MUC5B: variants seen among roughly 807,000 people sequenced by gnomAD.
MUC5B encodes mucin-5B.
MUC5B carries 116 observed loss-of-function variants against 376.9 expected under a neutral mutation model. The observed-to-expected ratio is 0.31, with a 90% CI of 0.26 to 0.36. MUC5B has a LOEUF of 0.36. Ranked by LOEUF, MUC5B falls within the 10% of genes least tolerant of loss-of-function variation. The pLI, the probability that MUC5B is intolerant of heterozygous loss-of-function variation, is 1.00. For missense variants in MUC5B, 7,165 were observed against 7,769.9 expected (o/e 0.92, Z 2.93); for synonymous variants, 3,517 against 3,390.9 (o/e 1.04, Z -1.29).
chr11:1,248,597 C>G lies in MUC5B; in HGVS notation c.11717C>G (p.Pro3906Arg). 1.9e-6 allele frequency: 3 copies of G among 1,613,034 alleles called. No homozygotes were observed. Among genetic ancestry groups the G allele is most frequent in the Non-Finnish European group, 2.5e-6 (3 of 1,179,474 alleles). The change falls in exon 31 of 49, where the codon CCC becomes CGC. Residue 3906 changes from proline to arginine, a missense_variant. Physicochemically the swap from Pro to Arg is moderately radical, Grantham distance 103. Coordinates refer to ENST00000529681, the MANE Select transcript of MUC5B (RefSeq NM_002458.3). ...TPTTSGSTVTPSSVPGTTHTP... is the reference protein window; with the variant it reads ...TPTTSGSTVTRSSVPGTTHTP... Reference sequence around the variant, plus strand: ...ACAACCAGTGGCTCCACGGTGACCCCCTCCTCCGTCCCGGGGACCACCCAC... The same window carrying G: ...ACAACCAGTGGCTCCACGGTGACCCGCTCCTCCGTCCCGGGGACCACCCAC...
At position 1,243,587 on chromosome 11, in the gene MUC5B, A is replaced by T; in HGVS notation, c.6707A>T (p.His2236Leu). 1 of 1,606,814 alleles carries T rather than the reference A, an allele frequency of 6.2e-7. No individual in the cohort carries two copies. Among genetic ancestry groups the T allele is most frequent in the Non-Finnish European group, 8.5e-7 (1 of 1,177,912 alleles). ...ACAGAGCCTTCCACGGTGACTTCCC[A>T]CACCCTAGCAGCAACCACCGGTACC... The part of the protein sequence containing the change: ...HITEPSTVTS[H>L]TLAATTGTTQ... The change falls in exon 31 of 49, where the codon CAC becomes CTC. Residue 2236 changes from histidine (H) to leucine (L), a missense_variant. His to Leu is a moderately conservative substitution (Grantham distance 99). Coordinates refer to ENST00000529681, the MANE Select transcript of MUC5B (RefSeq NM_002458.3).
At position 1,227,763 on chromosome 11, in the gene MUC5B, C is replaced by A. The variant is rs781163769; in HGVS notation, c.756C>A (p.Ala252=). 3 of 717,872 alleles carry A rather than the reference C, an allele frequency of 4.2e-6. No individual in the cohort carries two copies. Among genetic ancestry groups the A allele is most frequent in the Non-Finnish European group, 7.8e-6 (3 of 385,192 alleles). The allele number at this position is 717,872 out of a possible 1,614,324, so 44.5% of individuals were successfully genotyped here. A position where few individuals can be genotyped will look rare whatever the true frequency, so the allele number is the denominator to read the frequency against. The change falls in exon 7 of 49, where the codon GCC becomes GCA. Residue 252 remains alanine, a synonymous_variant. Transcript: ENST00000529681. ...GCCCGGACCCGCTGCCCTTGCCGGC[C>A]GGCAACTGCACGGACGAGGTGAGTC... ...EQCPDPLPLP[A]GNCTDEEGIC...
Position 1,229,774 on chromosome 11 carries a change from C to T in MUC5B, c.1187C>T (p.Pro396Leu), listed in dbSNP as rs200834537. Residue 396 changes from proline to leucine, a missense_variant, in exon 10 of 49, where the codon CCG (proline) becomes CTG (leucine). By Grantham distance (98) the Pro-to-Leu change is moderately conservative (BLOSUM62 -3). This residue lies in a region of MUC5B where 640 missense variants were observed against 733.0 expected (regional missense o/e 0.87). Transcript: ENST00000529681. ...PCTHGGRTYS[P>L]GTSFNTTCSS... ...ACCCACGGCGGCCGCACCTACAGCC[C>T]GGGCACCTCCTTCAACACCACCTGC... 223 of 1,601,556 alleles carry T rather than the reference C, an allele frequency of 1.4e-4. No homozygotes were observed. The highest frequency in any genetic ancestry group is 1.6e-4 in the Middle Eastern group (1 of 6,066).
Position 1,261,412 on chromosome 11 carries a change from T to C in MUC5B, c.17093T>C (p.Met5698Thr). 6.4e-7 allele frequency: 1 copy of C among 1,552,346 alleles called. No homozygotes were observed. Among genetic ancestry groups the C allele is most frequent in the Non-Finnish European group, 8.7e-7 (1 of 1,149,548 alleles). ...AGGTACTCAGCAGAGGCCCAGGCCATGCAGCACCAGTGCACCTGCTGCCAG... is the reference window on the plus strand; with the variant it reads ...AGGTACTCAGCAGAGGCCCAGGCCACGCAGCACCAGTGCACCTGCTGCCAG... ...ASKYSAEAQA[M>T]QHQCTCCQER... Residue 5698 changes from methionine (M) to threonine (T), a missense_variant, in exon 49 of 49, where the codon ATG becomes ACG. Met to Thr is a moderately conservative substitution (Grantham distance 81). Around this residue, in one of 31 missense-constraint regions of MUC5B, gnomAD observed 842 missense variants for 1,016.9 expected, o/e 0.83. Coordinates refer to ENST00000529681, the MANE Select transcript of MUC5B (RefSeq NM_002458.3).
Position 1,246,245 on chromosome 11 carries a change from T to G in MUC5B, c.9365T>G (p.Met3122Arg), listed in dbSNP as rs58125533. The G allele has an allele frequency of 6.3e-7, 1 of 1,597,896 alleles. No individual in the cohort carries two copies. ...ACCACGACAAGGGCCACCAGTTCCA[T>G]GTCCACCCCCTCCTCCACTCCGGGG... The part of the protein sequence containing the change: ...KATTTRATSS[M>R]STPSSTPGTT... Residue 3122 changes from methionine to arginine, a missense_variant, in exon 31 of 49, where the codon ATG becomes AGG. This residue lies in a region of MUC5B where 939 missense variants were observed against 770.6 expected (regional missense o/e 1.22). Transcript: ENST00000529681.
intron 38 of MUC5B, 55 bp downstream of exon 38, chr11:1,256,280 C>A: frequency 2.8e-6 from 2 of 712,512 alleles, no homozygotes; most frequent in East Asian, 2.7e-5. Flanking sequence ...CCTGACCGGT[C>A]TGGGGGAGCA....
In MUC5B at chr11:1,225,663, C is replaced by CT; in HGVS notation, c.71-18_71-17insT. On this transcript the variant is annotated splice_polypyrimidine_tract_variant and intron_variant, in intron 1 of 48. Coordinates refer to ENST00000529681, the MANE Select transcript of MUC5B (RefSeq NM_002458.3). ...CCACATCTAGTTCCTCACTGACTCC[C>CT]ATTCCCTCTTCCCACAGAGACCCAG... The CT allele has an allele frequency of 6.3e-7, 1 of 1,590,020 alleles. No homozygotes were observed. The highest frequency in any genetic ancestry group is 8.6e-7 in the Non-Finnish European group (1 of 1,168,732).
chr11:1,255,447 C>T lies in MUC5B; in HGVS notation c.15955C>T (p.His5319Tyr), dbSNP rs142702886. The T allele has an allele frequency of 1.4e-5, 23 of 1,602,432 alleles. 1 individual carries two copies. Among genetic ancestry groups the T allele is most frequent in the Non-Finnish European group, 2.0e-5 (23 of 1,175,284 alleles). The part of the protein sequence containing the change: ...GPFFNACISD[H>Y]CRGRLEVPCQ... Reference sequence around the variant, plus strand: ...ATTCTTCAACGCCTGCATCAGCGACCACTGCAGGGGCCGCCTTGAGGTGCC... The same window carrying T: ...ATTCTTCAACGCCTGCATCAGCGACTACTGCAGGGGCCGCCTTGAGGTGCC... The change falls in exon 37 of 49, where the codon CAC (histidine) becomes TAC (tyrosine). Residue 5319 changes from histidine (H) to tyrosine (Y), a missense_variant. His to Tyr is a moderately conservative substitution (Grantham distance 83). Around this residue, in one of 31 missense-constraint regions of MUC5B, gnomAD observed 842 missense variants for 1,016.9 expected, o/e 0.83. Transcript: ENST00000529681.
chr11:1,227,923 T>C (rs1590168186), intron 7 of MUC5B, 142 bp downstream of exon 7: 2 of 608,448 alleles, frequency 3.3e-6, no homozygotes, highest in East Asian at 5.5e-5. Context: ...CTCTGTGTGC[T>C]CAGTTCCACG....
At chr11:1,223,416 GAGA>G (rs1296857510) in intron 1 of MUC5B, 3 of 664,328 alleles carry the variant, frequency 4.5e-6, no homozygotes, top group Non-Finnish European at 5.5e-6. Flanking sequence ...GGGTGTCCAG[GAGA>G]AGGTGGGCCC....
Position 1,238,882 on chromosome 11 carries a change from C to T in MUC5B, c.3309C>T (p.Thr1103=), listed in dbSNP as rs1365294507. Residue 1103 remains threonine, a synonymous_variant, in exon 26 of 49, where the codon ACC becomes ACT. Coordinates refer to ENST00000529681, the MANE Select transcript of MUC5B (RefSeq NM_002458.3). ...FAACRSQVDS[T]KYYEACVNDA... ...GGCCTCACCCGCAGGTTGACTCCACCAAGTACTACGAGGCCTGCGTGAACG... is the reference window on the plus strand; with the variant it reads ...GGCCTCACCCGCAGGTTGACTCCACTAAGTACTACGAGGCCTGCGTGAACG... The T allele has an allele frequency of 4.5e-6, 7 of 1,558,318 alleles. No individual in the cohort carries two copies. Among genetic ancestry groups the T allele is most frequent in the Non-Finnish European group, 6.1e-6 (7 of 1,151,046 alleles).
chr11:1,235,529 G>A (rs186879420), intron 23 of MUC5B, 116 bp downstream of exon 23: 31 of 887,008 alleles, frequency 3.5e-5, no homozygotes, highest in South Asian at 1.3e-4. Context: ...TCCTGGCCCC[G>A]GGCTGCTGTT....
chr11:1,245,871 C>G lies in MUC5B; in HGVS notation c.8991C>G (p.Thr2997=), dbSNP rs964519081. Residue 2997 remains threonine (T), a synonymous_variant, in exon 31 of 49, where the codon ACC becomes ACG. Transcript: ENST00000529681. ...CGACCTGGATCCTCACAGAGCAGAC[C>G]ACAGCAGCCACTACGACCGCAACCA... is the stretch of plus-strand genomic sequence containing the variant. The part of the protein sequence containing the change: ...PGTTWILTEQ[T]TAATTTATTG... 1 of 1,613,454 alleles carries G rather than the reference C, an allele frequency of 6.2e-7. No individual in the cohort carries two copies. The highest frequency in any genetic ancestry group is 8.5e-7 in the Non-Finnish European group (1 of 1,179,804).
rs751510147 is a variant in MUC5B, at chr11:1,248,437, C to G, written c.11557C>G (p.Pro3853Ala). 2 of 1,610,470 alleles carry G rather than the reference C, an allele frequency of 1.2e-6. No individual in the cohort carries two copies. Among genetic ancestry groups the G allele is most frequent in the Non-Finnish European group, 1.7e-6 (2 of 1,177,956 alleles). The change falls in exon 31 of 49, where the codon CCC becomes GCC. Residue 3853 changes from proline to alanine, a missense_variant. Around this residue, in one of 31 missense-constraint regions of MUC5B, gnomAD observed 242 missense variants for 199.0 expected, o/e 1.22. Transcript: ENST00000529681. Reference sequence around the variant, plus strand: ...CAGGGCCACCGGCTCTGTGGCCACCCCCTCTTCCACCCCAGGAACAGCTCA... The same window carrying G: ...CAGGGCCACCGGCTCTGTGGCCACCGCCTCTTCCACCCCAGGAACAGCTCA... The part of the protein sequence containing the change: ...TTRATGSVAT[P>A]SSTPGTAHTT...
rs1222276177 is a variant in MUC5B at position 1,254,190 on chromosome 11, C to A, written c.15316C>A (p.His5106Asn). 1 of 1,612,914 alleles carries A rather than the reference C, an allele frequency of 6.2e-7. No homozygotes were observed. The highest frequency in any genetic ancestry group is 1.7e-5 in the Admixed American group (1 of 60,030). ...NCTYVLMREIHARFGNLSLYL... is the reference protein window; with the variant it reads ...NCTYVLMREINARFGNLSLYL... ...CACCTATGTCCTCATGAGAGAGATC[C>A]ATGCACGCTTTGGGAATCTCAGCCT... Residue 5106 changes from histidine (H) to asparagine (N), a missense_variant, in exon 34 of 49, where the codon CAT becomes AAT. Around this residue, in one of 31 missense-constraint regions of MUC5B, gnomAD observed 842 missense variants for 1,016.9 expected, o/e 0.83. Coordinates refer to ENST00000529681, the MANE Select transcript of MUC5B (RefSeq NM_002458.3).
At position 1,246,530 on chromosome 11, in the gene MUC5B, G is replaced by T. The variant is rs770789356; in HGVS notation, c.9650G>T (p.Gly3217Val). ...AGAGCCACTCCCTCCTCCAGTCCAG[G>T]GACTGCAACCGCCCTTCCAGCACTG... ...SSRATPSSSP[G>V]TATALPALRS... Residue 3217 changes from glycine to valine, a missense_variant, in exon 31 of 49, where the codon GGG (glycine) becomes GTG (valine). Around this residue, in one of 31 missense-constraint regions of MUC5B, gnomAD observed 939 missense variants for 770.6 expected, o/e 1.22. Coordinates refer to ENST00000529681, the MANE Select transcript of MUC5B (RefSeq NM_002458.3). The T allele has an allele frequency of 6.8e-6, 11 of 1,613,016 alleles. No individual in the cohort carries two copies. In the Admixed American group the frequency reaches 1.8e-4, roughly 27 times the overall value.
chr11:1,246,360 C>T lies in MUC5B; in HGVS notation c.9480C>T (p.Thr3160=). The T allele has an allele frequency of 6.2e-7, 1 of 1,604,116 alleles. No homozygotes were observed. The highest frequency in any genetic ancestry group is 8.5e-7 in the Non-Finnish European group (1 of 1,173,660). ...PTATPSSTPG[T]TWILTEPSTT... Reference sequence around the variant, plus strand: ...CCACCCCGTCCTCCACCCCAGGGACCACCTGGATCCTCACAGAGCCCAGCA... The same window carrying T: ...CCACCCCGTCCTCCACCCCAGGGACTACCTGGATCCTCACAGAGCCCAGCA... Residue 3160 remains threonine (T), a synonymous_variant, in exon 31 of 49, where the codon ACC becomes ACT. Coordinates refer to ENST00000529681, the MANE Select transcript of MUC5B (RefSeq NM_002458.3).
At position 1,229,312 on chromosome 11, in the gene MUC5B, C is replaced by T. The variant is rs779275133; in HGVS notation, c.1102+17C>T. On this transcript the variant is annotated intron_variant, in intron 9 of 48. Transcript: ENST00000529681. ...GCCCCCCAGGCAGGTCTTGTGTGCC[C>T]TGAACCCCTCAGGGGGCTTTCAGGT... 11 of 1,547,204 alleles carry T rather than the reference C, an allele frequency of 7.1e-6. No homozygotes were observed. The East Asian group carries it at 2.4e-4, about 34-fold the overall frequency.
rs778058408 is a variant in MUC5B, at chr11:1,246,416, C to G, written c.9536C>G (p.Ser3179Cys). ...GCCACCGTGACGGTGCCCACCGGAT[C>G]CACGGCCACCGCCTCCTCCACCCGG... ...TTATVTVPTG[S>C]TATASSTRAT... Residue 3179 changes from serine (S) to cysteine (C), a missense_variant, in exon 31 of 49, where the codon TCC (serine) becomes TGC (cysteine). This residue lies in a region of MUC5B where 939 missense variants were observed against 770.6 expected (regional missense o/e 1.22). Coordinates refer to ENST00000529681, the MANE Select transcript of MUC5B (RefSeq NM_002458.3). 7.4e-6 allele frequency: 12 copies of G among 1,613,454 alleles called. No individual in the cohort carries two copies. Among genetic ancestry groups the G allele is most frequent in the African/African-American group, 1.3e-5 (1 of 74,818 alleles).
Sources: gnomAD v4.1 joint callset for allele counts on GRCh38, gnomAD v4.1.1 for gene constraint, gnomAD v4.1.1 regional missense constraint, MANE v1.5 for transcripts, NCBI Gene and HGNC (gene_info 2026-07-23, HGNC 2026-07-21) for gene names.